Variants in BMP8A observed in about 807,000 individuals in gnomAD.
BMP8A encodes BMP-8A.
BMP8A carries 14 observed loss-of-function variants against 36.8 expected under a neutral mutation model. That is an observed-to-expected ratio of 0.38 (90% CI 0.25 to 0.60). BMP8A has a LOEUF of 0.60. BMP8A is among the 20% of genes least tolerant of loss of function. The probability of loss-of-function intolerance (pLI) is 0.63; values close to 1 mark genes in which losing one functional copy is unlikely to be tolerated. For synonymous variants in BMP8A, 120 were observed against 237.7 expected (o/e 0.50, Z 4.55); for missense variants, 267 against 551.1 (o/e 0.48, Z 5.16).
chr1:39,497,043 A>G (rs1036990322), intron 1 of BMP8A, among the ~76,000 whole-genome samples: 2 of 151,918 alleles, frequency 1.3e-5, no homozygotes, highest in Admixed American at 1.3e-4. Context: ...TACAGTGCAT[A>G]CTCTTGAGTC....
intron 1 of BMP8A, among the ~76,000 whole-genome samples, chr1:39,497,519 A>G (rs568169136): frequency 3.3e-5 from 5 of 152,174 alleles, no homozygotes; most frequent in South Asian, 2.1e-4. Flanking sequence ...CCACTTTTCA[A>G]TGAAGGTGGG....
At chr1:39,508,608 A>G (rs918570543) in intron 1 of BMP8A, among the ~76,000 whole-genome samples, 2 of 152,244 alleles carry the variant, frequency 1.3e-5, no homozygotes, top group African/African-American at 2.4e-5. Flanking sequence ...CTGTCTGCCC[A>G]TGAACCTTCA....
At chr1:39,506,493 C>T (rs1645302581) in intron 1 of BMP8A, among the ~76,000 whole-genome samples, 1 of 151,890 alleles carries the variant, frequency 6.6e-6, no homozygotes, top group South Asian at 2.1e-4. Flanking sequence ...AGGTGTGAGC[C>T]ACCGCGCCCC....
intron 1 of BMP8A, among the ~76,000 whole-genome samples, chr1:39,496,203 G>A (rs941115025): frequency 2.8e-5 from 4 of 143,812 alleles, no homozygotes; most frequent in Non-Finnish European, 4.6e-5. Flanking sequence ...CACCTACCAC[G>A]GACCAGGCAG....
At chr1:39,508,498 T>C (rs1570293751) in intron 1 of BMP8A, among the ~76,000 whole-genome samples, 1 of 152,170 alleles carries the variant, frequency 6.6e-6, no homozygotes, top group Non-Finnish European at 1.5e-5. Context: ...GAGACTGATA[T>C]CACATAGGTT....
intron 1 of BMP8A, among the ~76,000 whole-genome samples, chr1:39,498,609 G>T (rs181006853): frequency 6.2e-4 from 94 of 152,358 alleles, no homozygotes; most frequent in Middle Eastern, 3.4e-3. Context: ...CCTCGAGGCG[G>T]TGCTGAGATT....
At chr1:39,523,548 G>C (rs1333094746) in intron 6 of BMP8A, 3 of 1,383,670 alleles carry the variant, frequency 2.2e-6, no homozygotes, top group African/African-American at 3.0e-5. Context: ...GGGTGTGCGT[G>C]TGCACTCACC....
rs958023392 is a variant in BMP8A at position 39,527,615 on chromosome 1, C to T, written c.*1817C>T. Among the ~76,000 whole-genome samples the T allele has an allele frequency of 2.6e-5, 4 of 152,182 alleles. No individual in the cohort carries two copies. The highest frequency in any genetic ancestry group is 1.3e-4 in the Admixed American group (2 of 15,278). On this transcript the variant is annotated 3_prime_UTR_variant, in exon 7 of 7. Coordinates refer to ENST00000331593, the MANE Select transcript of BMP8A (RefSeq NM_181809.4). ...ACCAGGGAGGGCCTCCATGTGCAAGCGCAGAGGAAGAGACCCTCTCATGTA... is the reference window on the plus strand; with the variant it reads ...ACCAGGGAGGGCCTCCATGTGCAAGTGCAGAGGAAGAGACCCTCTCATGTA...
chr1:39,522,860 C>T, intron 5 of BMP8A, 147 bp from the exon 6 acceptor site: 2 of 883,958 alleles, frequency 2.3e-6, no homozygotes, highest in East Asian at 2.5e-5. Flanking sequence ...TGGGCCTGAG[C>T]TCCTGCCCAG....
intron 1 of BMP8A, among the ~76,000 whole-genome samples, chr1:39,505,492 A>G (rs1645293490): frequency 6.6e-6 from 1 of 152,120 alleles, no homozygotes; most frequent in Non-Finnish European, 1.5e-5. Flanking sequence ...AAGCAGAAGA[A>G]TTTTTCTTAG....
At chr1:39,514,105 TGGAG>T (rs1645378283) in intron 3 of BMP8A, among the ~76,000 whole-genome samples, 1 of 138,290 alleles carries the variant, frequency 7.2e-6, no homozygotes, top group Non-Finnish European at 1.6e-5. Flanking sequence ...ACTGAGGAGG[TGGAG>T]GGAGACAGGC....
In BMP8A at chr1:39,526,098, GTGGCTGGCCCCGGATGGTCTGAGGT is replaced by G. The variant is rs1645480786; in HGVS notation, c.*307_*331del. Among the ~76,000 whole-genome samples, 1 of 152,206 alleles carries G rather than the reference GTGGCTGGCCCCGGATGGTCTGAGGT, an allele frequency of 6.6e-6. No homozygotes were observed. Among genetic ancestry groups the G allele is most frequent in the South Asian group, 2.1e-4 (1 of 4,826 alleles). On this transcript the variant is annotated 3_prime_UTR_variant, in exon 7 of 7. Transcript: ENST00000331593. ...GTCCTATCTTAGGACCTGTCAGACT[GTGGCTGGCCCCGGATGGTCTGAGGT>G]TGGCTGACCCGAGCTTTTCTCCATT...
At chr1:39,522,225 T>C (rs910005) in intron 4 of BMP8A, 178 bp from the exon 5 acceptor site, 333,230 of 546,422 alleles carry the variant, frequency 0.61, 100,517 homozygotes, top group South Asian at 0.77. Flanking sequence ...TGGCAGGCTT[T>C]TGAGCTGGGT....
At chr1:39,499,394 G>T (rs1364320713) in intron 1 of BMP8A, among the ~76,000 whole-genome samples, 5 of 152,276 alleles carry the variant, frequency 3.3e-5, no homozygotes, top group African/African-American at 4.8e-5. Context: ...GGGGAGATGG[G>T]ACAGGTCACA....
At chr1:39,500,946 G>A (rs1028215472) in intron 1 of BMP8A, among the ~76,000 whole-genome samples, 6 of 152,174 alleles carry the variant, frequency 3.9e-5, no homozygotes, top group Admixed American at 6.5e-5. Flanking sequence ...AAGTCACCAC[G>A]CCCAGCCGAA....
At chr1:39,516,778 C>T (rs532016330) in intron 3 of BMP8A, among the ~76,000 whole-genome samples, 244 of 151,872 alleles carry the variant, frequency 1.6e-3, no homozygotes, top group Non-Finnish European at 2.8e-3. Flanking sequence ...CACAGCTCAG[C>T]GCATTCACAG....
At position 39,496,078 on chromosome 1, in the gene BMP8A, C is replaced by T. The variant is rs186778841; in HGVS notation, c.334+3753C>T. Among the ~76,000 whole-genome samples, 545 of 152,328 alleles carry T rather than the reference C, an allele frequency of 3.6e-3. 1 individual carries two copies. Among genetic ancestry groups the T allele is most frequent in the African/African-American group, 0.012 (482 of 41,560 alleles). On this transcript the variant is annotated intron_variant, in intron 1 of 6. Transcript: ENST00000331593. ...CGGGTCCTGCTCTGCCCTTGCCAGC[C>T]GTGTGACCTGGAACGGTGGCACCAT...
intron 1 of BMP8A, among the ~76,000 whole-genome samples, chr1:39,502,114 T>C (rs891268813): frequency 2.0e-5 from 3 of 151,840 alleles, no homozygotes; most frequent in African/African-American, 7.3e-5. Context: ...GGCAGGCACT[T>C]GTAATCCCAG....
chr1:39,506,471 T>C (rs879415871), intron 1 of BMP8A, among the ~76,000 whole-genome samples: 1 of 152,046 alleles, frequency 6.6e-6, no homozygotes, highest in African/African-American at 2.4e-5. Context: ...CCTCCCAAAG[T>C]GCTGGGATTA....
Sources: gnomAD v4.1 joint callset for allele counts (sites outside exome capture counted in the v4.1 genomes callset) on GRCh38, gnomAD v4.1.1 for gene constraint, MANE v1.5 for transcripts, NCBI Gene and HGNC (gene_info 2026-07-23, HGNC 2026-07-21) for gene names.